CMIP: variants seen among roughly 807,000 people sequenced by gnomAD.
The protein encoded by CMIP is c-Maf inducing protein.
CMIP carries 13 observed loss-of-function variants against 97.3 expected under a neutral mutation model. The ratio of observed to expected loss-of-function variants is 0.13; its 90% CI spans 0.09 to 0.21. The LOEUF is 0.21. CMIP is among the 10% of genes least tolerant of loss of function. CMIP has a pLI of 1.00. For synonymous variants in CMIP, 538 were observed against 436.3 expected, an observed-to-expected ratio of 1.23 and a Z score of -2.91; for missense variants, 847 against 1,024.9, an observed-to-expected ratio of 0.83 and a Z score of 2.37.
chr16:81,661,977 C>G (rs2092551848), intron 6 of CMIP, among the ~76,000 whole-genome samples: 1 of 152,164 alleles, frequency 6.6e-6, no homozygotes, highest in South Asian at 2.1e-4. Context: ...CCCCCTGGCC[C>G]AGGGAGTGAA....
At chr16:81,595,828 G>A (rs2091546310) in intron 1 of CMIP, among the ~76,000 whole-genome samples, 1 of 152,120 alleles carries the variant, frequency 6.6e-6, no homozygotes, top group Non-Finnish European at 1.5e-5. Context: ...GTTCTTATGA[G>A]TCATTTTGCT....
At chr16:81,570,847 C>A (rs1314606943) in intron 1 of CMIP, among the ~76,000 whole-genome samples, 1 of 152,100 alleles carries the variant, frequency 6.6e-6, no homozygotes, top group Non-Finnish European at 1.5e-5. Context: ...TTTCCAGAGC[C>A]CTCCTGTGTC....
At chr16:81,535,527 GA>G (rs1354423030) in intron 1 of CMIP, among the ~76,000 whole-genome samples, 1 of 147,952 alleles carries the variant, frequency 6.8e-6, no homozygotes, top group African/African-American at 2.5e-5. Context: ...GAGCTAGTCA[GA>G]AAAAGCTGCA....
chr16:81,473,264 G>C (rs763193327), intron 1 of CMIP, among the ~76,000 whole-genome samples: 1 of 152,180 alleles, frequency 6.6e-6, no homozygotes, highest in African/African-American at 2.4e-5. Context: ...CGTGTTTGCC[G>C]TGGGGGGCAT....
At chr16:81,557,398 A>C (rs1276050366) in intron 1 of CMIP, among the ~76,000 whole-genome samples, 2 of 152,162 alleles carry the variant, frequency 1.3e-5, no homozygotes, top group Admixed American at 1.3e-4. Context: ...ATTACTGTGT[A>C]CTTACCATCT....
rs750558520 is a variant in CMIP at position 81,701,761 on chromosome 16, C to T, written c.1857C>T (p.Tyr619=). 19 of 1,613,700 alleles carry T rather than the reference C, an allele frequency of 1.2e-5. No individual in the cohort carries two copies. The East Asian group carries it at 2.0e-4, about 17-fold the overall frequency. ...GCACAGACGTGGGGAAGCGCATGTA[C>T]GAGCAGCTGTGTGACCGGCAGCGGG... is the stretch of plus-strand genomic sequence containing the variant. ...LESTDVGKRM[Y]EQLCDRQREL... is the part of the protein sequence containing the mutation. The change falls in exon 16 of 21, where the codon TAC becomes TAT. Residue 619 remains tyrosine, a synonymous_variant. Transcript: ENST00000537098.
At chr16:81,705,221 G>A (rs1359413375) in intron 18 of CMIP, among the ~76,000 whole-genome samples, 1 of 152,228 alleles carries the variant, frequency 6.6e-6, no homozygotes, top group East Asian at 1.9e-4. Context: ...AAGCTAGGGA[G>A]AGACAAGTTC....
At chr16:81,662,903 G>T (rs567658645) in intron 6 of CMIP, among the ~76,000 whole-genome samples, 3 of 152,100 alleles carry the variant, frequency 2.0e-5, no homozygotes, top group Non-Finnish European at 4.4e-5. Flanking sequence ...CAAAGCCCTC[G>T]TACTATCATA....
At chr16:81,682,128 C>CG (rs1328656506) in intron 10 of CMIP, among the ~76,000 whole-genome samples, 1 of 151,978 alleles carries the variant, frequency 6.6e-6, no homozygotes, top group African/African-American at 2.4e-5. Flanking sequence ...ATTTGAACCC[C>CG]GGGGGGCGGA....
intron 1 of CMIP, chr16:81,476,244 A>G (rs1444994149): frequency 1.3e-6 from 2 of 1,495,422 alleles, no homozygotes; most frequent in African/African-American, 1.4e-5. Flanking sequence ...CGGGACCTGT[A>G]TGCTTTAGGA....
At chr16:81,661,618 C>T (rs575010007) in intron 6 of CMIP, among the ~76,000 whole-genome samples, 28 of 152,326 alleles carry the variant, frequency 1.8e-4, no homozygotes, top group East Asian at 9.6e-4. Context: ...CCTCCTGCCA[C>T]GGTCACCCGC....
At chr16:81,521,179 G>A (rs904717283) in intron 1 of CMIP, among the ~76,000 whole-genome samples, 10 of 152,234 alleles carry the variant, frequency 6.6e-5, no homozygotes, top group Middle Eastern at 3.2e-3. Context: ...CCCGGTCGCC[G>A]TGACTGTGGA....
chr16:81,488,327 C>A (rs115308823), intron 1 of CMIP, among the ~76,000 whole-genome samples: 5 of 152,124 alleles, frequency 3.3e-5, no homozygotes, highest in Non-Finnish European at 5.9e-5. Flanking sequence ...TTGGGTCACC[C>A]GCTGAGAGTC....
In CMIP at chr16:81,701,706, C is replaced by T; in HGVS notation, c.1802C>T (p.Thr601Ile). ...TACAACATCATCGACAACAACGACA[C>T]CCAACTGCAGATCATCTCAACCCTG... ...LEYNIIDNND[T>I]QLQIISTLES... The change falls in exon 16 of 21, where the codon ACC (threonine) becomes ATC (isoleucine). Residue 601 changes from threonine (T) to isoleucine (I), a missense_variant. Coordinates refer to ENST00000537098, the MANE Select transcript of CMIP (RefSeq NM_198390.3). 1 of 1,613,932 alleles carries T rather than the reference C, an allele frequency of 6.2e-7. No individual in the cohort carries two copies. Among genetic ancestry groups the T allele is most frequent in the Non-Finnish European group, 8.5e-7 (1 of 1,179,888 alleles).
intron 10 of CMIP, 55 bp from the exon 11 acceptor site, chr16:81,691,720 G>A: frequency 6.7e-7 from 1 of 1,500,134 alleles, no homozygotes; most frequent in Non-Finnish European, 9.3e-7. Flanking sequence ...CAAAAACAGT[G>A]CCATAAACCT....
chr16:81,516,421 T>G (rs1489013252), intron 1 of CMIP, among the ~76,000 whole-genome samples: 2 of 152,248 alleles, frequency 1.3e-5, no homozygotes, highest in Non-Finnish European at 2.9e-5. Context: ...GGAGCTCTAC[T>G]TCGGTTCAGC....
At chr16:81,495,592 C>A (rs1412408933) in intron 1 of CMIP, 3 of 1,319,496 alleles carry the variant, frequency 2.3e-6, no homozygotes, top group African/African-American at 2.9e-5. Context: ...ATTCACAGAC[C>A]CACTTCTCAG....
intron 1 of CMIP, among the ~76,000 whole-genome samples, chr16:81,471,009 C>G (rs984989920): frequency 1.3e-5 from 2 of 151,520 alleles, no homozygotes; most frequent in Admixed American, 1.3e-4. Context: ...CACACAGGCA[C>G]ACATGTGCGC....
intron 1 of CMIP, among the ~76,000 whole-genome samples, chr16:81,506,861 C>T (rs764088539): frequency 8.1e-5 from 12 of 148,572 alleles, no homozygotes; most frequent in Non-Finnish European, 1.6e-4. Context: ...GCTGAGATCA[C>T]GCCACTCCAC....
Sources: allele counts gnomAD v4.1 joint callset (sites outside exome capture counted in the v4.1 genomes callset), GRCh38; gene constraint gnomAD v4.1.1; transcripts MANE v1.5; gene names NCBI Gene and HGNC (gene_info 2026-07-23, HGNC 2026-07-21).